PALM2AKAP2: variants seen among roughly 807,000 people sequenced by gnomAD.
PALM2AKAP2 encodes PALM2 and AKAP2 fusion.
In PALM2AKAP2, 37 loss-of-function variants were observed where a neutral mutation model predicts 71.5. That is an observed-to-expected ratio of 0.52 (90% confidence interval 0.40 to 0.68). The LOEUF (loss-of-function observed/expected upper bound fraction) is 0.68, where lower values mean the gene tolerates loss of function less well. PALM2AKAP2 is among the 30% of genes least tolerant of loss of function. The pLI, the probability that PALM2AKAP2 is intolerant of heterozygous loss-of-function variation, is 0.00. For missense variants in PALM2AKAP2, 1,224 were observed against 1,191.8 expected, an observed-to-expected ratio of 1.03 and a Z score of -0.40; for synonymous variants, 468 against 478.8, an observed-to-expected ratio of 0.98 and a Z score of 0.29.
chr9:110,170,435 G>T (rs879438345), exon 4 of PALM2AKAP2: 5 of 152,394 alleles, frequency 3.3e-5, no homozygotes, highest in South Asian at 2.1e-4. Flanking sequence ...GTTGACTTTG[G>T]GGGGGGACAT....
chr9:110,121,491 G>A (rs1376987952), intron 1 of PALM2AKAP2, among the ~76,000 whole-genome samples: 1 of 152,182 alleles, frequency 6.6e-6, no homozygotes, highest in Admixed American at 6.5e-5. Context: ...AGGAAGCAGG[G>A]AGGGGAACCT....
chr9:110,162,146 T>A lies in PALM2AKAP2; in HGVS notation c.2748+5649T>A, dbSNP rs769540938. 6.2e-7 allele frequency: 1 copy of A among 1,614,010 alleles called. No individual in the cohort carries two copies. Among genetic ancestry groups the A allele is most frequent in the Non-Finnish European group, 8.5e-7 (1 of 1,179,878 alleles). ...GTGACTTCCGAGGTACTTTTCAATT[T>A]GTTTGTCTTGGTCTTACTGAATGCA... On this transcript the variant is annotated intron_variant, in intron 3 of 3. Coordinates refer to ENST00000374525, the Ensembl canonical transcript of PALM2AKAP2.
intron 1 of PALM2AKAP2, among the ~76,000 whole-genome samples, chr9:109,691,383 G>A (rs1476167839): frequency 6.6e-6 from 1 of 151,772 alleles, no homozygotes; most frequent in Admixed American, 6.6e-5. Context: ...TTGGATCTTT[G>A]AGAGATAGAG....
At chr9:110,069,284 A>G (rs971263900) in intron 1 of PALM2AKAP2, among the ~76,000 whole-genome samples, 2 of 152,254 alleles carry the variant, frequency 1.3e-5, no homozygotes, top group Non-Finnish European at 1.5e-5. Flanking sequence ...TTCAATAAAT[A>G]TAAATTCTGC....
At chr9:109,718,793 T>G (rs1368155282) in intron 1 of PALM2AKAP2, among the ~76,000 whole-genome samples, 1 of 152,194 alleles carries the variant, frequency 6.6e-6, no homozygotes, top group Non-Finnish European at 1.5e-5. Flanking sequence ...AGGTTGATGT[T>G]TTTTCTTGCT....
intron 2 of PALM2AKAP2, among the ~76,000 whole-genome samples, chr9:109,873,993 A>G (rs1829663888): frequency 6.6e-6 from 1 of 152,186 alleles, no homozygotes; most frequent in African/African-American, 2.4e-5. Flanking sequence ...ATAAAAAATA[A>G]AGGAAAGTAA....
intron 1 of PALM2AKAP2, among the ~76,000 whole-genome samples, chr9:109,851,206 CAACAA>C (rs1252878740): frequency 1.9e-5 from 1 of 53,100 alleles, no homozygotes; most frequent in African/African-American, 6.0e-5. Flanking sequence ...ACAACAACAA[CAACAA>C]AAAAAAAAAA....
intron 1 of PALM2AKAP2, among the ~76,000 whole-genome samples, chr9:110,055,587 C>T (rs768198593): frequency 2.0e-5 from 3 of 152,216 alleles, no homozygotes; most frequent in Non-Finnish European, 2.9e-5. Context: ...GAGGACCCAC[C>T]TCCTCATTCC....
At chr9:109,680,954 C>T (rs540880286) in intron 1 of PALM2AKAP2, among the ~76,000 whole-genome samples, 2 of 152,026 alleles carry the variant, frequency 1.3e-5, no homozygotes, top group East Asian at 3.9e-4. Context: ...GGTAAAGATC[C>T]CAGAGTTAGA....
chr9:109,874,984 C>A (rs1325804851), intron 2 of PALM2AKAP2, among the ~76,000 whole-genome samples: 1 of 152,204 alleles, frequency 6.6e-6, no homozygotes, highest in East Asian at 1.9e-4. Flanking sequence ...ACTTTGTAAT[C>A]CTGCCCCTTG....
intron 3 of PALM2AKAP2, among the ~76,000 whole-genome samples, chr9:110,162,796 G>C (rs775840721): frequency 1.3e-5 from 2 of 152,168 alleles, no homozygotes; most frequent in African/African-American, 2.4e-5. Flanking sequence ...TTAACCTCCT[G>C]GGCTCAAGCG....
chr9:109,971,745 T>C (rs1832074011), intron 6 of PALM2AKAP2, among the ~76,000 whole-genome samples: 1 of 152,044 alleles, frequency 6.6e-6, no homozygotes, highest in South Asian at 2.1e-4. Flanking sequence ...TGTTGCAGAG[T>C]GTAAAACCAG....
At chr9:109,746,096 G>A (rs1828796263) in intron 1 of PALM2AKAP2, among the ~76,000 whole-genome samples, 1 of 152,178 alleles carries the variant, frequency 6.6e-6, no homozygotes, top group Non-Finnish European at 1.5e-5. Context: ...ACTTCAGACT[G>A]CTTAACGACT....
intron 1 of PALM2AKAP2, among the ~76,000 whole-genome samples, chr9:109,810,448 A>G (rs961713921): frequency 1.3e-5 from 2 of 152,220 alleles, no homozygotes; most frequent in African/African-American, 4.8e-5. Context: ...CATCCTTATG[A>G]AAAGCTGCTG....
intron 6 of PALM2AKAP2, among the ~76,000 whole-genome samples, chr9:109,948,948 C>G (rs953071525): frequency 3.9e-5 from 6 of 152,166 alleles, no homozygotes; most frequent in African/African-American, 1.4e-4. Flanking sequence ...TTCTTCTTTT[C>G]TGTCCTTTTT....
At chr9:109,898,972 A>T (rs999368046) in intron 3 of PALM2AKAP2, among the ~76,000 whole-genome samples, 1 of 152,206 alleles carries the variant, frequency 6.6e-6, no homozygotes, top group Admixed American at 6.5e-5. Context: ...TCCTCTGTCC[A>T]TCTGGGAAAT....
chr9:110,154,342 C>T lies in PALM2AKAP2; in HGVS notation c.2570-1977C>T, dbSNP rs563288599. The stretch of plus-strand genomic sequence containing the variant: ...GGATTCAAGCCCAAACCGGCTGGCT[C>T]CAGAGCTTACACGCTCACCACTGTG... On this transcript the variant is annotated intron_variant, in intron 2 of 3. Coordinates refer to ENST00000374525, the Ensembl canonical transcript of PALM2AKAP2. 8.5e-5 allele frequency among the ~76,000 whole-genome samples: 13 copies of T among 152,242 alleles called. No homozygotes were observed. In the South Asian group the frequency reaches 1.7e-3, roughly 19 times the overall value.
chr9:110,091,459 C>CTTTTTTTTTTTTT (rs66848294), intron 1 of PALM2AKAP2, among the ~76,000 whole-genome samples: 12 of 83,652 alleles, frequency 1.4e-4, no homozygotes, highest in African/African-American at 2.1e-4. Context: ...GAGATTTATT[C>CTTTTTTTTTTTTT]TTTTTTTTTT....
Position 109,759,953 on chromosome 9 carries a change from C to T in PALM2AKAP2, c.6-20535C>T, listed in dbSNP as rs540441905. ...CACTCTTTTCAAATGTACAGTTCAA[C>T]GTGTTTTGACAAATGTATACATGCA... is the stretch of plus-strand genomic sequence containing the variant. On this transcript the variant is annotated intron_variant, in intron 1 of 6. Coordinates refer to the PALM2AKAP2 transcript ENST00000374531. 1.1e-4 allele frequency among the ~76,000 whole-genome samples: 17 copies of T among 152,192 alleles called. No homozygotes were observed. The South Asian group carries it at 3.1e-3, about 28-fold the overall frequency.
Sources: gnomAD v4.1 joint callset for allele counts (sites outside exome capture counted in the v4.1 genomes callset) on GRCh38, gnomAD v4.1.1 for gene constraint, MANE v1.5 for transcripts, NCBI Gene and HGNC (gene_info 2026-07-23, HGNC 2026-07-21) for gene names.